The following KRT8 variants were observed in gnomAD, a reference collection of about 807,000 sequenced individuals.
KRT8 encodes the protein keratin 8.
Under a neutral mutation model 43.0 loss-of-function variants are expected in KRT8, and 24 were observed. The observed-to-expected ratio is 0.56, with a 90% CI of 0.40 to 0.78. The LOEUF (loss-of-function observed/expected upper bound fraction) is 0.78. Among genes scored for constraint, KRT8 ranks in the 30% least tolerant of loss-of-function variants. The pLI is 0.00. For missense variants in KRT8, 492 were observed against 638.4 expected, an observed-to-expected ratio of 0.77 and a Z score of 2.47; for synonymous variants, 214 against 261.2, an observed-to-expected ratio of 0.82 and a Z score of 1.74.
intron 2 of KRT8, among the ~76,000 whole-genome samples, chr12:52,937,949 G>A (rs1328577124): frequency 2.1e-5 from 3 of 144,646 alleles, no homozygotes; most frequent in Admixed American, 7.0e-5. Context: ...GCAGTGAGCC[G>A]AGATCGTGCC....
intron 2 of KRT8, among the ~76,000 whole-genome samples, chr12:52,935,608 G>A (rs1253767372): frequency 6.8e-6 from 1 of 147,076 alleles, no homozygotes; most frequent in African/African-American, 2.5e-5. Context: ...CTCTGAAATA[G>A]AACACAAAAA....
chr12:52,912,648 G>A (rs1941658007), intron 2 of KRT8, among the ~76,000 whole-genome samples: 1 of 152,212 alleles, frequency 6.6e-6, no homozygotes, highest in South Asian at 2.1e-4. Context: ...CGTGGGCAGG[G>A]GATGGTCCTC....
upstream of KRT8, among the ~76,000 whole-genome samples, chr12:52,905,854 G>A (rs1453348117): frequency 1.3e-5 from 2 of 152,184 alleles, no homozygotes; most frequent in Non-Finnish European, 2.9e-5. Context: ...AGCACTTTGG[G>A]AGGCTGAGGT....
chr12:52,897,278 C>G (rs767526007), exon 8 of KRT8: 70 of 770,326 alleles, frequency 9.1e-5, no homozygotes, highest in Non-Finnish European at 1.4e-4. Context: ...CAAGGGGGGT[C>G]CCCAGGTAGT....
Position 52,949,183 on chromosome 12 carries a change from A to G in KRT8, c.-47+273T>C, listed in dbSNP as rs1241148678. On this transcript the variant is annotated intron_variant, in intron 2 of 6. Transcript: ENST00000546826. The stretch of plus-strand genomic sequence containing the variant: ...TCTCTCCCCGGACAGCATGAGCTTC[A>G]CCACTCGCTCCACCTTCTCCACCAA... The G allele has an allele frequency of 1.9e-6, 3 of 1,611,586 alleles. No homozygotes were observed. The South Asian group carries it at 3.3e-5, about 18-fold the overall frequency.
At chr12:52,916,376 T>C (rs1565724532) in intron 2 of KRT8, among the ~76,000 whole-genome samples, 1 of 152,194 alleles carries the variant, frequency 6.6e-6, no homozygotes, top group Non-Finnish European at 1.5e-5. Context: ...GTTGACTGCA[T>C]GGGCGTGAGT....
At chr12:52,926,332 G>GCCCCCCCCCC in intron 2 of KRT8, 18 of 600,202 alleles carry the variant, frequency 3.0e-5, no homozygotes, top group Middle Eastern at 2.8e-4. Flanking sequence ...GGCACTAGCT[G>GCCCCCCCCCC]CCCTCCCCAC....
rs925692748 is a variant in KRT8 at position 52,933,957 on chromosome 12, C to A, written c.-47+15499G>T. Among the ~76,000 whole-genome samples the A allele has an allele frequency of 2.0e-5, 3 of 151,246 alleles. No homozygotes were observed. The South Asian group carries it at 6.4e-4, about 32-fold the overall frequency. ...AATTTTTAAAAAGAATAGCCGGGAA[C>A]GGTGGCTCACGCCTGTAATCCCAGC... On this transcript the variant is annotated intron_variant, in intron 2 of 6. Transcript: ENST00000546826.
intron 2 of KRT8, among the ~76,000 whole-genome samples, chr12:52,913,713 T>C (rs1370606758): frequency 1.3e-5 from 2 of 152,130 alleles, no homozygotes; most frequent in African/African-American, 4.8e-5. Context: ...CAAGGTGCAG[T>C]ACCACCTCAC....
chr12:52,941,681 T>C (rs1592188368), intron 2 of KRT8, among the ~76,000 whole-genome samples: 1 of 151,870 alleles, frequency 6.6e-6, no homozygotes, highest in Admixed American at 6.6e-5. Context: ...AGAGACAGGG[T>C]TTCTCCATGT....
At chr12:52,931,321 C>T (rs1302538110) in intron 2 of KRT8, among the ~76,000 whole-genome samples, 1 of 152,056 alleles carries the variant, frequency 6.6e-6, no homozygotes, top group Non-Finnish European at 1.5e-5. Context: ...CCCGCCTCGG[C>T]CTCCCAAAGT....
intron 2 of KRT8, among the ~76,000 whole-genome samples, chr12:52,917,712 A>AAAAAT (rs753462248): frequency 2.1e-5 from 2 of 95,936 alleles, no homozygotes; most frequent in African/African-American, 6.9e-5. Context: ...CTGTCTCAAA[A>AAAAAT]AAAAAAAAAA....
rs75441140 is a variant in KRT8 at position 52,949,300 on chromosome 12, G to A, written c.-47+156C>T. ...CGTCTATGCAGGCGCTGGGGGCTCT[G>A]GTTCCCGGATCTCCGTGTCCCGCTC... On this transcript the variant is annotated intron_variant, in intron 2 of 6. Coordinates refer to the KRT8 transcript ENST00000546826. 13 of 1,575,484 alleles carry A rather than the reference G, an allele frequency of 8.3e-6. No homozygotes were observed. In the Admixed American group the frequency reaches 2.1e-4, roughly 25 times the overall value.
At chr12:52,913,518 A>G (rs996920017) in intron 2 of KRT8, among the ~76,000 whole-genome samples, 4 of 152,212 alleles carry the variant, frequency 2.6e-5, no homozygotes, top group African/African-American at 9.6e-5. Context: ...ATGTATCCAT[A>G]TAAATACAAA....
chr12:52,948,506 T>TTC (rs1170066324), intron 2 of KRT8: 2 of 126,912 alleles, frequency 1.6e-5, no homozygotes, highest in East Asian at 1.6e-4. Flanking sequence ...TTTTTTTTTT[T>TTC]TTTTTTTTTG....
intron 2 of KRT8, among the ~76,000 whole-genome samples, chr12:52,932,365 G>A (rs1319271055): frequency 6.6e-6 from 1 of 152,152 alleles, no homozygotes; most frequent in Non-Finnish European, 1.5e-5. Context: ...GGGATTACAG[G>A]TGTGAGCCAC....
intron 2 of KRT8, among the ~76,000 whole-genome samples, chr12:52,937,190 G>A (rs1286740527): frequency 6.6e-6 from 1 of 151,450 alleles, no homozygotes; most frequent in Non-Finnish European, 1.5e-5. Context: ...GGGCAACACC[G>A]TGAAACCCTG....
At chr12:52,944,674 G>A (rs553676101) in intron 2 of KRT8, among the ~76,000 whole-genome samples, 1 of 152,154 alleles carries the variant, frequency 6.6e-6, no homozygotes, top group Non-Finnish European at 1.5e-5. Flanking sequence ...GCAGCCACAC[G>A]CTTCTCAGCG....
Position 52,937,354 on chromosome 12 carries a change from C to T in KRT8, c.-47+12102G>A, listed in dbSNP as rs554113360. Reference sequence around the variant, plus strand: ...CCACTGCACAATCCAGCCTGGGCAACAGAACAAGACTCGGTCTCTAAAAAA... The same window carrying T: ...CCACTGCACAATCCAGCCTGGGCAATAGAACAAGACTCGGTCTCTAAAAAA... On this transcript the variant is annotated intron_variant, in intron 2 of 6. Transcript: ENST00000546826. Among the ~76,000 whole-genome samples, 5 of 145,634 alleles carry T rather than the reference C, an allele frequency of 3.4e-5. No homozygotes were observed. The East Asian group carries it at 1.0e-3, about 30-fold the overall frequency.
Sources: allele counts gnomAD v4.1 joint callset (sites outside exome capture counted in the v4.1 genomes callset), GRCh38; gene constraint gnomAD v4.1.1; transcripts MANE v1.5; gene names NCBI Gene and HGNC (gene_info 2026-07-23, HGNC 2026-07-21).